The following ZNF804A variants were observed in gnomAD, a reference collection of about 807,000 sequenced individuals.
ZNF804A encodes the protein zinc finger protein 804A.
Under a neutral mutation model 16.5 loss-of-function variants are expected in ZNF804A, and 2 were observed. That is an observed-to-expected ratio of 0.12 (90% CI 0.05 to 0.38). The LOEUF (loss-of-function observed/expected upper bound fraction) is 0.38, where lower values mean the gene tolerates loss of function less well. Ranked by LOEUF, ZNF804A falls within the 10% of genes least tolerant of loss-of-function variation. The probability of loss-of-function intolerance (pLI) is 0.99; values close to 1 mark genes in which losing one functional copy is unlikely to be tolerated. For missense variants in ZNF804A, 1,473 were observed against 1,390.7 expected, an observed-to-expected ratio of 1.06 and a Z score of -0.94; for synonymous variants, 534 against 489.6, an observed-to-expected ratio of 1.09 and a Z score of -1.20.
At chr2:184,644,150 A>G (rs981883777) in intron 1 of ZNF804A, among the ~76,000 whole-genome samples, 1 of 151,712 alleles carries the variant, frequency 6.6e-6, no homozygotes, top group Non-Finnish European at 1.5e-5. Flanking sequence ...ACTGAAGTAA[A>G]TATGCAAAAA....
intron 2 of ZNF804A, among the ~76,000 whole-genome samples, chr2:184,874,527 T>C (rs1696022782): frequency 6.6e-6 from 1 of 152,162 alleles, no homozygotes; most frequent in Non-Finnish European, 1.5e-5. Context: ...GAATTATAAT[T>C]GATGCTATTG....
At chr2:184,656,689 T>C (rs999412833) in intron 1 of ZNF804A, among the ~76,000 whole-genome samples, 8 of 151,816 alleles carry the variant, frequency 5.3e-5, no homozygotes, top group Non-Finnish European at 1.0e-4. Context: ...TATACATATA[T>C]ACACACACAC....
chr2:184,778,965 G>GTAGTAAATTTAATAAAAATTAGAAAT (rs549894141), intron 1 of ZNF804A, among the ~76,000 whole-genome samples: 2 of 151,560 alleles, frequency 1.3e-5, no homozygotes, highest in Admixed American at 1.3e-4. Context: ...AGTGAATAGG[G>GTAGTAAATTTAATAAAAATTAGAAAT]TAGTAAATTT....
At chr2:184,833,310 A>G (rs1416954958) in intron 1 of ZNF804A, among the ~76,000 whole-genome samples, 1 of 151,928 alleles carries the variant, frequency 6.6e-6, no homozygotes, top group East Asian at 1.9e-4. Context: ...AGGTTCCTTA[A>G]TGATTCCTTA....
At chr2:184,740,912 T>G (rs1693701203) in intron 1 of ZNF804A, among the ~76,000 whole-genome samples, 2 of 152,164 alleles carry the variant, frequency 1.3e-5, no homozygotes, top group South Asian at 4.1e-4. Flanking sequence ...TAAAGCAGAC[T>G]TTATAATAAT....
At chr2:184,644,407 G>C (rs896655226) in intron 1 of ZNF804A, among the ~76,000 whole-genome samples, 1 of 151,418 alleles carries the variant, frequency 6.6e-6, no homozygotes, top group African/African-American at 2.4e-5. Flanking sequence ...TTTTAAACCA[G>C]TTTTCTTTTC....
intron 1 of ZNF804A, among the ~76,000 whole-genome samples, chr2:184,781,405 C>A (rs777773693): frequency 6.6e-6 from 1 of 151,664 alleles, no homozygotes; most frequent in Non-Finnish European, 1.5e-5. Context: ...GTATTTAACT[C>A]ATTTATATTT....
chr2:184,607,455 G>A (rs1406405001), intron 1 of ZNF804A, among the ~76,000 whole-genome samples: 2 of 152,002 alleles, frequency 1.3e-5, no homozygotes, highest in Non-Finnish European at 2.9e-5. Context: ...GCCGAGTGAA[G>A]GCCCTTATAA....
intron 2 of ZNF804A, among the ~76,000 whole-genome samples, chr2:184,909,654 A>G (rs977680826): frequency 2.0e-5 from 3 of 152,078 alleles, no homozygotes; most frequent in South Asian, 2.1e-4. Context: ...GTCTTAATTT[A>G]CAAGATAAAT....
chr2:184,793,200 G>A (rs942347111), intron 1 of ZNF804A, among the ~76,000 whole-genome samples: 1 of 152,020 alleles, frequency 6.6e-6, no homozygotes, highest in Non-Finnish European at 1.5e-5. Flanking sequence ...TTGATTCCAT[G>A]TCTTTGCTAT....
At chr2:184,694,621 C>T (rs1455408055) in intron 1 of ZNF804A, among the ~76,000 whole-genome samples, 2 of 152,090 alleles carry the variant, frequency 1.3e-5, no homozygotes, top group Admixed American at 6.5e-5. Context: ...TGAGACAAAA[C>T]TTCAAGAACA....
chr2:184,612,458 G>A (rs77398649), intron 1 of ZNF804A, among the ~76,000 whole-genome samples: 3 of 148,638 alleles, frequency 2.0e-5, no homozygotes, highest in South Asian at 2.1e-4. Flanking sequence ...TTGGGGGGGG[G>A]ACGGAGTCTT....
intron 1 of ZNF804A, among the ~76,000 whole-genome samples, chr2:184,720,657 A>G (rs1035282672): frequency 6.6e-6 from 1 of 152,214 alleles, no homozygotes; most frequent in East Asian, 1.9e-4. Context: ...CAGAAGAAAT[A>G]AAACCATTAA....
intron 1 of ZNF804A, among the ~76,000 whole-genome samples, chr2:184,823,378 A>G (rs1695112291): frequency 6.6e-6 from 1 of 152,052 alleles, no homozygotes. Flanking sequence ...TTTGAAGGGG[A>G]CACATTCAAA....
chr2:184,839,298 A>T (rs987941295), intron 1 of ZNF804A, among the ~76,000 whole-genome samples: 8 of 152,086 alleles, frequency 5.3e-5, no homozygotes, highest in Admixed American at 2.0e-4. Flanking sequence ...TAATAGCTAC[A>T]AAGTATTTTA....
intron 1 of ZNF804A, among the ~76,000 whole-genome samples, chr2:184,741,036 G>A (rs907052235): frequency 1.6e-4 from 24 of 152,090 alleles, no homozygotes; most frequent in African/African-American, 5.8e-4. Flanking sequence ...CAAATTTAGG[G>A]AGTAATCTGC....
chr2:184,865,835 T>G (rs1167917945), intron 1 of ZNF804A, among the ~76,000 whole-genome samples: 4 of 152,146 alleles, frequency 2.6e-5, no homozygotes, highest in Non-Finnish European at 5.9e-5. Context: ...TCATTCTAAA[T>G]TGATATGGGT....
chr2:184,604,138 T>G, intron 1 of ZNF804A, among the ~76,000 whole-genome samples: 1 of 138,592 alleles, frequency 7.2e-6, no homozygotes, highest in African/African-American at 2.6e-5. Flanking sequence ...TATGGATGAC[T>G]GCAATTACTT....
At chr2:184,627,060 A>G (rs1002473731) in intron 1 of ZNF804A, among the ~76,000 whole-genome samples, 1 of 152,218 alleles carries the variant, frequency 6.6e-6, no homozygotes, top group Non-Finnish European at 1.5e-5. Context: ...ATGAATAAAT[A>G]CATAGTTCTA....
Sources: gnomAD v4.1 joint callset for allele counts (sites outside exome capture counted in the v4.1 genomes callset) on GRCh38, gnomAD v4.1.1 for gene constraint, MANE v1.5 for transcripts, NCBI Gene and HGNC (gene_info 2026-07-23, HGNC 2026-07-21) for gene names.